HCRTR2: variants seen among roughly 807,000 people sequenced by gnomAD.
The protein encoded by HCRTR2 is orexin receptor type 2.
A neutral mutation model predicts 49.0 loss-of-function variants in HCRTR2; 22 were observed. The observed-to-expected ratio is 0.45, with a 90% CI of 0.32 to 0.64. The LOEUF (loss-of-function observed/expected upper bound fraction) is 0.64, where lower values mean the gene tolerates loss of function less well. Among genes scored for constraint, HCRTR2 ranks in the 30% least tolerant of loss-of-function variants. The probability of loss-of-function intolerance (pLI) is 0.04; values close to 1 mark genes in which losing one functional copy is unlikely to be tolerated. For missense variants in HCRTR2, 491 were observed against 559.4 expected, an observed-to-expected ratio of 0.88 and a Z score of 1.23; for synonymous variants, 236 against 205.3, an observed-to-expected ratio of 1.15 and a Z score of -1.28.
chr6:55,263,983 T>C (rs1454238045), intron 4 of HCRTR2, 161 bp downstream of exon 4: 3 of 638,194 alleles, frequency 4.7e-6, no homozygotes, highest in East Asian at 5.6e-5. Flanking sequence ...AAAAGTATTA[T>C]ATTGTGTGTT....
chr6:55,126,007 C>A (rs1581785037), intron 1 of HCRTR2, among the ~76,000 whole-genome samples: 1 of 152,126 alleles, frequency 6.6e-6, no homozygotes, highest in Non-Finnish European at 1.5e-5. Flanking sequence ...TTCTAGTTAG[C>A]AATTACTCTA....
intron 1 of HCRTR2, among the ~76,000 whole-genome samples, chr6:55,121,896 C>T (rs191030668): frequency 1.3e-5 from 2 of 152,036 alleles, no homozygotes; most frequent in East Asian, 3.9e-4. Context: ...CATCGATGTT[C>T]GTCAGGGATA....
At chr6:55,245,469 TTATATATATATATATATATATATATA>T (rs745939954) in intron 1 of HCRTR2, among the ~76,000 whole-genome samples, 3 of 56,772 alleles carry the variant, frequency 5.3e-5, no homozygotes, top group Admixed American at 2.1e-4. Flanking sequence ...TAGGAAGATT[TTATATATATATATATATATATATATA>T]TATATATATA....
At chr6:55,248,896 A>C in intron 2 of HCRTR2, 79 bp downstream of exon 2, 2 of 1,161,888 alleles carry the variant, frequency 1.7e-6, no homozygotes, top group South Asian at 2.5e-5. Context: ...TAAATTAACT[A>C]GTGAGTTGAG....
At chr6:55,240,023 C>G (rs1485859941) in intron 1 of HCRTR2, among the ~76,000 whole-genome samples, 3 of 151,860 alleles carry the variant, frequency 2.0e-5, no homozygotes. Flanking sequence ...GTGATCCCCC[C>G]GCCTCGTTCT....
At chr6:55,272,160 A>G (rs1437437684) in intron 4 of HCRTR2, among the ~76,000 whole-genome samples, 1 of 152,162 alleles carries the variant, frequency 6.6e-6, no homozygotes, top group East Asian at 1.9e-4. Flanking sequence ...TATGCAAGCA[A>G]TAAAATATTA....
intron 4 of HCRTR2, among the ~76,000 whole-genome samples, chr6:55,271,779 A>G (rs909356842): frequency 1.3e-5 from 2 of 152,146 alleles, no homozygotes; most frequent in Non-Finnish European, 2.9e-5. Flanking sequence ...GGTGCTTAAC[A>G]TCATTACTCA....
intron 1 of HCRTR2, among the ~76,000 whole-genome samples, chr6:55,193,590 T>C (rs1163373461): frequency 2.0e-5 from 3 of 151,748 alleles, no homozygotes; most frequent in African/African-American, 7.3e-5. Flanking sequence ...TTTATTTACC[T>C]TCTAGCAAAC....
intron 1 of HCRTR2, among the ~76,000 whole-genome samples, chr6:55,158,511 G>A (rs1027115271): frequency 4.5e-4 from 69 of 152,232 alleles, no homozygotes; most frequent in African/African-American, 1.6e-3. Flanking sequence ...GGTCTAGCTC[G>A]GTGGATCCCA....
In HCRTR2 at chr6:55,109,841, T is replaced by C. The variant is rs1038182434; in HGVS notation, c.-378+3296T>C. The stretch of plus-strand genomic sequence containing the variant: ...AACTTCTCTGGAGGTGCTAGAGACC[T>C]AAACATTCGAATACAAGAAGCTCAA... On this transcript the variant is annotated intron_variant, in intron 1 of 7. Transcript: ENST00000615358. Among the ~76,000 whole-genome samples, 30 of 152,094 alleles carry C rather than the reference T, an allele frequency of 2.0e-4. 1 individual carries two copies. Among genetic ancestry groups the C allele is most frequent in the African/African-American group, 6.8e-4 (28 of 41,428 alleles).
intron 4 of HCRTR2, among the ~76,000 whole-genome samples, chr6:55,267,714 T>G (rs1238870226): frequency 6.6e-6 from 1 of 152,146 alleles, no homozygotes; most frequent in Non-Finnish European, 1.5e-5. Flanking sequence ...TGAAAGACCT[T>G]CTTGTTCCCA....
At chr6:55,239,520 T>C (rs74909480) in intron 1 of HCRTR2, among the ~76,000 whole-genome samples, 1 of 151,974 alleles carries the variant, frequency 6.6e-6, no homozygotes. Context: ...GTGAAGATAC[T>C]CTTTCTAAAT....
intron 1 of HCRTR2, among the ~76,000 whole-genome samples, chr6:55,194,183 T>A (rs1362438467): frequency 1.3e-5 from 2 of 152,002 alleles, no homozygotes; most frequent in African/African-American, 2.4e-5. Context: ...AGAATGGGAG[T>A]TTCCAAGCTA....
rs541480790 is a variant in HCRTR2 at position 55,229,398 on chromosome 6, G to GTA, written c.224-19235_224-19234dup. On this transcript the variant is annotated intron_variant, in intron 1 of 6. Transcript: ENST00000370862. ...TATGAGCCAGCAATTCCATTTTTGG[G>GTA]TATATATCCAAAATAATTTAAATCA... 2.2e-3 allele frequency among the ~76,000 whole-genome samples: 334 copies of GTA among 152,156 alleles called. 1 individual carries two copies. The highest frequency in any genetic ancestry group is 7.8e-3 in the African/African-American group (322 of 41,512).
chr6:55,205,181 G>A (rs1476120149), intron 1 of HCRTR2, among the ~76,000 whole-genome samples: 3 of 152,212 alleles, frequency 2.0e-5, no homozygotes, highest in Admixed American at 6.5e-5. Context: ...AGAAGTCTGG[G>A]TTGAGGATGT....
chr6:55,273,730 C>CTTTTTGCTTTGAATAG (rs1390889760), intron 4 of HCRTR2, among the ~76,000 whole-genome samples: 2 of 152,032 alleles, frequency 1.3e-5, no homozygotes, highest in African/African-American at 2.4e-5. Flanking sequence ...GATTTGAATA[C>CTTTTTGCTTTGAATAG]TTTTTGCTTT....
At chr6:55,158,650 G>A (rs1051234923) in intron 1 of HCRTR2, among the ~76,000 whole-genome samples, 2 of 152,184 alleles carry the variant, frequency 1.3e-5, no homozygotes, top group African/African-American at 2.4e-5. Context: ...TGAGGTTTGA[G>A]TAAGCAGTTT....
At chr6:55,231,007 T>C (rs1214067182) in intron 1 of HCRTR2, among the ~76,000 whole-genome samples, 2 of 152,178 alleles carry the variant, frequency 1.3e-5, no homozygotes, top group Non-Finnish European at 2.9e-5. Flanking sequence ...CCCATAACTC[T>C]GATACCCATA....
At chr6:55,184,571 T>A (rs1167948997) in intron 1 of HCRTR2, among the ~76,000 whole-genome samples, 1 of 152,220 alleles carries the variant, frequency 6.6e-6, no homozygotes, top group African/African-American at 2.4e-5. Flanking sequence ...TTAAATGACA[T>A]GTATTTTATT....
Sources: allele counts gnomAD v4.1 joint callset (sites outside exome capture counted in the v4.1 genomes callset), GRCh38; gene constraint gnomAD v4.1.1; transcripts MANE v1.5; gene names NCBI Gene and HGNC (gene_info 2026-07-23, HGNC 2026-07-21).